The following RABGAP1L variants were observed in gnomAD, a reference collection of about 807,000 sequenced individuals.
The protein encoded by RABGAP1L is rab GTPase-activating protein 1-like.
A neutral mutation model predicts 137.7 loss-of-function variants in RABGAP1L; 63 were observed. The ratio of observed to expected loss-of-function variants is 0.46; its 90% CI spans 0.37 to 0.56. The LOEUF is 0.56. Ranked by LOEUF, RABGAP1L falls within the 20% of genes least tolerant of loss-of-function variation. The pLI, the probability that RABGAP1L is intolerant of heterozygous loss-of-function variation, is 0.00. For synonymous variants in RABGAP1L, 431 were observed against 433.7 expected (o/e 0.99, Z 0.08); for missense variants, 1,095 against 1,244.0 (o/e 0.88, Z 1.80).
At chr1:174,832,541 G>A (rs1349033029) in intron 19 of RABGAP1L, among the ~76,000 whole-genome samples, 1 of 147,942 alleles carries the variant, frequency 6.8e-6, no homozygotes, top group Non-Finnish European at 1.5e-5. Flanking sequence ...CCCACAGAGA[G>A]TTGGTGATGG....
intron 13 of RABGAP1L, among the ~76,000 whole-genome samples, chr1:174,418,969 T>C (rs10798311): frequency 0.39 from 59,110 of 151,782 alleles, 14,529 homozygotes; most frequent in African/African-American, 0.7. Flanking sequence ...ACCTAGGAGG[T>C]GGAGGTTGCA....
At chr1:174,490,465 T>C in intron 13 of RABGAP1L, among the ~76,000 whole-genome samples, 1 of 152,178 alleles carries the variant, frequency 6.6e-6, no homozygotes, top group East Asian at 1.9e-4. Context: ...TGCCTGGAGC[T>C]GTGGGTTGAT....
At chr1:174,216,294 G>C (rs753630656) in intron 1 of RABGAP1L, among the ~76,000 whole-genome samples, 12 of 152,078 alleles carry the variant, frequency 7.9e-5, no homozygotes, top group Non-Finnish European at 1.8e-4. Context: ...ATAACTAAGA[G>C]AATAATTGAA....
intron 17 of RABGAP1L, among the ~76,000 whole-genome samples, chr1:174,741,855 CAAAAAAAAAAA>C (rs775821774): frequency 2.4e-5 from 1 of 41,896 alleles, no homozygotes. Context: ...CCTATTTCTA[CAAAAAAAAAAA>C]AAAAAAAAAA....
chr1:174,267,719 A>G (rs776455165), intron 7 of RABGAP1L, among the ~76,000 whole-genome samples: 5 of 152,244 alleles, frequency 3.3e-5, no homozygotes, highest in Non-Finnish European at 7.3e-5. Context: ...TTAAATAATT[A>G]AAATACTTTA....
At chr1:174,389,252 C>T (rs935460091) in intron 12 of RABGAP1L, among the ~76,000 whole-genome samples, 5 of 151,912 alleles carry the variant, frequency 3.3e-5, no homozygotes, top group Non-Finnish European at 7.4e-5. Context: ...TTCTTGATGC[C>T]ACCTCATCTT....
intron 13 of RABGAP1L, among the ~76,000 whole-genome samples, chr1:174,435,910 A>AT (rs552736946): frequency 4.9e-4 from 74 of 150,574 alleles, no homozygotes; most frequent in African/African-American, 1.6e-3. Flanking sequence ...GCAGTGTTTG[A>AT]TTTTTTGTCC....
At chr1:174,343,649 T>G (rs1682178421) in intron 11 of RABGAP1L, among the ~76,000 whole-genome samples, 1 of 152,116 alleles carries the variant, frequency 6.6e-6, no homozygotes, top group Admixed American at 6.6e-5. Context: ...ATACCTATAG[T>G]CAAATTTTAA....
chr1:174,535,105 T>C (rs986780008), intron 13 of RABGAP1L, among the ~76,000 whole-genome samples: 2 of 152,198 alleles, frequency 1.3e-5, no homozygotes, highest in Admixed American at 1.3e-4. Context: ...AGGTTAAGTA[T>C]TGTTTTGTTT....
At chr1:174,773,249 G>C (rs1379374111) in intron 18 of RABGAP1L, among the ~76,000 whole-genome samples, 1 of 151,800 alleles carries the variant, frequency 6.6e-6, no homozygotes, top group Admixed American at 6.6e-5. Context: ...TCAAATCCCA[G>C]GCATGGCGAC....
At chr1:174,396,459 G>C (rs576931556) in intron 13 of RABGAP1L, among the ~76,000 whole-genome samples, 121 of 151,634 alleles carry the variant, frequency 8.0e-4, no homozygotes, top group African/African-American at 2.9e-3. Context: ...TAATATATTA[G>C]TATAATAGCA....
chr1:174,495,678 C>T (rs541401767), intron 13 of RABGAP1L, among the ~76,000 whole-genome samples: 1 of 152,190 alleles, frequency 6.6e-6, no homozygotes, highest in Admixed American at 6.5e-5. Context: ...AATACCTTTG[C>T]TATAGTTCTA....
chr1:174,710,111 G>A (rs1031134493), intron 17 of RABGAP1L, among the ~76,000 whole-genome samples: 16 of 152,144 alleles, frequency 1.1e-4, no homozygotes, highest in African/African-American at 3.6e-4. Flanking sequence ...GACAAGATTA[G>A]AGAACAAAGA....
intron 14 of RABGAP1L, among the ~76,000 whole-genome samples, chr1:174,670,005 A>G (rs1677060769): frequency 1.3e-5 from 2 of 152,010 alleles, no homozygotes; most frequent in Admixed American, 1.3e-4. Context: ...TTATTTTTCT[A>G]TTTTTGTAAA....
At chr1:174,942,611 G>A (rs1666081237) in intron 19 of RABGAP1L, among the ~76,000 whole-genome samples, 1 of 152,176 alleles carries the variant, frequency 6.6e-6, no homozygotes, top group Non-Finnish European at 1.5e-5. Context: ...GAAGATGATA[G>A]AACAGCACCT....
intron 20 of RABGAP1L, chr1:174,957,848 G>T: frequency 3.3e-6 from 5 of 1,503,998 alleles, no homozygotes; most frequent in Non-Finnish European, 4.6e-6. Context: ...TTTCATTTCA[G>T]GAGACTCCCA....
At chr1:174,574,821 G>C (rs895691435) in intron 13 of RABGAP1L, among the ~76,000 whole-genome samples, 2 of 152,168 alleles carry the variant, frequency 1.3e-5, no homozygotes, top group Admixed American at 1.3e-4. Context: ...AATAGTGTAA[G>C]GCTCAGACTT....
At chr1:174,635,922 CA>C (rs572596703) in intron 13 of RABGAP1L, among the ~76,000 whole-genome samples, 4 of 152,138 alleles carry the variant, frequency 2.6e-5, no homozygotes, top group Admixed American at 1.3e-4. Flanking sequence ...ATTAAAATAA[CA>C]TATATTAAAC....
chr1:174,603,698 C>T (rs1187174285), intron 13 of RABGAP1L, among the ~76,000 whole-genome samples: 1 of 151,918 alleles, frequency 6.6e-6, no homozygotes, highest in Non-Finnish European at 1.5e-5. Context: ...CACTAGTTCT[C>T]ACCCAAAGCC....
Sources: allele counts gnomAD v4.1 joint callset (sites outside exome capture counted in the v4.1 genomes callset), GRCh38; gene constraint gnomAD v4.1.1; transcripts MANE v1.5; gene names NCBI Gene and HGNC (gene_info 2026-07-23, HGNC 2026-07-21).